CRLF3: variants seen among roughly 807,000 people sequenced by gnomAD.
CRLF3 encodes the protein cytokine receptor like factor 3, also known as cytokine receptor-like factor 3.
In CRLF3, 33 loss-of-function variants were observed where a neutral mutation model predicts 55.0. That is an observed-to-expected ratio of 0.60 (90% CI 0.46 to 0.80). The LOEUF is 0.80. Ranked by LOEUF, CRLF3 falls within the 30% of genes least tolerant of loss-of-function variation. The pLI is 0.00. For missense variants in CRLF3, 494 were observed against 538.4 expected, an observed-to-expected ratio of 0.92 and a Z score of 0.82; for synonymous variants, 238 against 196.8, an observed-to-expected ratio of 1.21 and a Z score of -1.75.
At chr17:30,792,621 A>C (rs1208690246) in intron 5 of CRLF3, 49 bp from the exon 6 acceptor site, 1 of 1,547,242 alleles carries the variant, frequency 6.5e-7, no homozygotes, top group East Asian at 2.3e-5. Flanking sequence ...CTTGAGGGAT[A>C]TCTTCAATAC....
intron 1 of CRLF3, among the ~76,000 whole-genome samples, chr17:30,811,494 A>G (rs1050207950): frequency 6.6e-5 from 10 of 151,300 alleles, no homozygotes; most frequent in Non-Finnish European, 1.0e-4. Context: ...AAAAAAACAG[A>G]AAAACATATT....
At position 30,802,514 on chromosome 17, in the gene CRLF3, T is replaced by C. The variant is rs118007960; in HGVS notation, c.337+1387A>G. Among the ~76,000 whole-genome samples the C allele has an allele frequency of 4.3e-4, 66 of 152,258 alleles. 3 individuals are homozygous for C. The East Asian group carries it at 0.011, about 26-fold the overall frequency. On this transcript the variant is annotated intron_variant, in intron 2 of 7. Transcript: ENST00000324238. ...GGTGCAATCACGGCTCACTGCAGTG[T>C]CAATCTCCTGGCCTCAAGGGATCCT...
intron 1 of CRLF3, among the ~76,000 whole-genome samples, chr17:30,815,541 CTTT>C (rs57194440): frequency 0.14 from 16,050 of 116,144 alleles, 985 homozygotes; most frequent in South Asian, 0.25. Flanking sequence ...CTAGTTTCTT[CTTT>C]TTTTTTTTTT....
Position 30,785,972 on chromosome 17 carries a change from T to C in CRLF3, c.1019A>G (p.Gln340Arg). The C allele has an allele frequency of 2.5e-6, 4 of 1,613,412 alleles. No homozygotes were observed. Among genetic ancestry groups the C allele is most frequent in the Non-Finnish European group, 3.4e-6 (4 of 1,179,382 alleles). Residue 340 changes from glutamine to arginine, a missense_variant, in exon 7 of 8, where the codon CAG (glutamine) becomes CGG (arginine). Gln to Arg is a conservative substitution (Grantham distance 43). Transcript: ENST00000324238. Reference protein sequence around the residue: ...RDSIGVCAEKQDGYDSLQRDQ... With the variant: ...RDSIGVCAEKRDGYDSLQRDQ... ...CCGCTGCAGAGAGTCATATCCATCC[T>C]GTTTTTCTGCACACACTCCTATGCT... is the stretch of plus-strand genomic sequence containing the variant.
Position 30,793,688 on chromosome 17 carries a change from T to G in CRLF3, c.604-16A>C. On this transcript the variant is annotated splice_polypyrimidine_tract_variant and intron_variant, in intron 4 of 7. Transcript: ENST00000324238. ...CATCATCCACCTAGGGAGAAAAGCT[T>G]TATGTTAGGTAAAAAACAGAAAATG... 1 of 1,569,410 alleles carries G rather than the reference T, an allele frequency of 6.4e-7. No homozygotes were observed. The highest frequency in any genetic ancestry group is 2.2e-5 in the East Asian group (1 of 44,614).
At chr17:30,822,624 T>A (rs1429157020) in intron 1 of CRLF3, among the ~76,000 whole-genome samples, 1 of 152,074 alleles carries the variant, frequency 6.6e-6, no homozygotes, top group African/African-American at 2.4e-5. Context: ...TTTAAATTGT[T>A]GGATATAAAA....
chr17:30,824,419 CCA>C, intron 1 of CRLF3, 102 bp downstream of exon 1: 1 of 1,182,134 alleles, frequency 8.5e-7, no homozygotes, highest in Non-Finnish European at 1.1e-6. Context: ...CTTCCCTACT[CCA>C]GAGTTTTCGG....
At chr17:30,801,820 C>T (rs945889865) in intron 2 of CRLF3, among the ~76,000 whole-genome samples, 3 of 151,548 alleles carry the variant, frequency 2.0e-5, no homozygotes, top group Non-Finnish European at 4.4e-5. Flanking sequence ...TTTTTAAATG[C>T]ACATCTGATC....
At position 30,784,242 on chromosome 17, in the gene CRLF3, G is replaced by A; in HGVS notation, c.1274C>T (p.Ser425Phe). ...FDWLLDQSCG[S>F]LYFGCSFFYP... is the part of the protein sequence containing the mutation. Reference sequence around the variant, plus strand: ...GAAAAATGAGCATCCAAAGTAAAGAGAACCACAAGACTGATCAAGTAACCA... The same window carrying A: ...GAAAAATGAGCATCCAAAGTAAAGAAAACCACAAGACTGATCAAGTAACCA... The change falls in exon 8 of 8, where the codon TCT becomes TTT. Residue 425 changes from serine to phenylalanine, a missense_variant. Ser to Phe is a radical substitution (Grantham distance 155). Coordinates refer to ENST00000324238, the MANE Select transcript of CRLF3 (RefSeq NM_015986.4). 1 of 1,613,354 alleles carries A rather than the reference G, an allele frequency of 6.2e-7. No homozygotes were observed. The highest frequency in any genetic ancestry group is 8.5e-7 in the Non-Finnish European group (1 of 1,179,580).
In CRLF3 at chr17:30,793,723, A is replaced by G. The variant is rs757322588; in HGVS notation, c.604-51T>C. On this transcript the variant is annotated intron_variant, in intron 4 of 7. Transcript: ENST00000324238. ...TAAAAAACAGAAAATGACTTCTCTC[A>G]GCATCACTGCTTAAAAATTTTGAAC... 14 of 1,332,996 alleles carry G rather than the reference A, an allele frequency of 1.1e-5. 1 individual carries two copies. In the Admixed American group the frequency reaches 1.5e-4, roughly 15 times the overall value. The allele number at this position is 1,332,996 out of a possible 1,614,324, so 82.6% of individuals were successfully genotyped here.
chr17:30,817,589 A>C (rs1321102931), intron 1 of CRLF3, among the ~76,000 whole-genome samples: 1 of 152,108 alleles, frequency 6.6e-6, no homozygotes, highest in East Asian at 1.9e-4. Context: ...TTTGCAGAAT[A>C]ATATGTATAG....
At chr17:30,810,321 A>G (rs1904572945) in intron 1 of CRLF3, among the ~76,000 whole-genome samples, 1 of 152,076 alleles carries the variant, frequency 6.6e-6, no homozygotes, top group South Asian at 2.1e-4. Flanking sequence ...GCACTTTGGG[A>G]GGCCCAGGCA....
At chr17:30,786,234 G>C (rs1597911237) in intron 6 of CRLF3, 1 of 436,200 alleles carries the variant, frequency 2.3e-6, no homozygotes, top group Non-Finnish European at 4.0e-6. Context: ...CAATCTATGA[G>C]GTAGGTGCTT....
intron 1 of CRLF3, among the ~76,000 whole-genome samples, chr17:30,805,423 A>C (rs915165897): frequency 6.6e-6 from 1 of 152,018 alleles, no homozygotes; most frequent in East Asian, 1.9e-4. Context: ...TAGATTAAAA[A>C]GCTATGGTCA....
intron 6 of CRLF3, among the ~76,000 whole-genome samples, chr17:30,789,121 GAAAAA>G (rs550018180): frequency 6.6e-6 from 1 of 151,724 alleles, no homozygotes; most frequent in African/African-American, 2.4e-5. Flanking sequence ...ATTCCACAAA[GAAAAA>G]AATGACAAAA....
chr17:30,816,056 G>C (rs1365563235), intron 1 of CRLF3, among the ~76,000 whole-genome samples: 1 of 151,082 alleles, frequency 6.6e-6, no homozygotes, highest in Non-Finnish European at 1.5e-5. Flanking sequence ...GGCCAAGGCG[G>C]GCAGATCACG....
intron 4 of CRLF3, among the ~76,000 whole-genome samples, chr17:30,793,905 C>T (rs1971863440): frequency 6.6e-6 from 1 of 151,934 alleles, no homozygotes; most frequent in African/African-American, 2.4e-5. Flanking sequence ...GTGGCGTGAT[C>T]TCGGCTTATT....
At chr17:30,787,393 T>G (rs1371495847) in intron 6 of CRLF3, 1 of 152,200 alleles carries the variant, frequency 6.6e-6, no homozygotes, top group Non-Finnish European at 1.5e-5. Flanking sequence ...ATGAAGAACT[T>G]CCTATGTGGC....
chr17:30,785,722 C>T lies in CRLF3; in HGVS notation c.1072+197G>A, dbSNP rs150307029. Among the ~76,000 whole-genome samples, 8 of 151,022 alleles carry T rather than the reference C, an allele frequency of 5.3e-5. No homozygotes were observed. The East Asian group carries it at 1.6e-3, about 29-fold the overall frequency. ...GCTTGGGCCCAAGAATTTCAGGCTGCAGCGGGCTACGATCATGCCACTGTA... is the reference window on the plus strand; with the variant it reads ...GCTTGGGCCCAAGAATTTCAGGCTGTAGCGGGCTACGATCATGCCACTGTA... On this transcript the variant is annotated intron_variant, in intron 7 of 7. Transcript: ENST00000324238.
Sources: allele counts gnomAD v4.1 joint callset (sites outside exome capture counted in the v4.1 genomes callset), GRCh38; gene constraint gnomAD v4.1.1; transcripts MANE v1.5; gene names NCBI Gene and HGNC (gene_info 2026-07-23, HGNC 2026-07-21).